Variants in ADCY2 observed in about 807,000 individuals in gnomAD.
The protein encoded by ADCY2 is adenylate cyclase type 2.
ADCY2 carries 31 observed loss-of-function variants against 125.2 expected under a neutral mutation model. That is an observed-to-expected ratio of 0.25 (90% CI 0.19 to 0.33). The LOEUF (loss-of-function observed/expected upper bound fraction) is 0.33, where lower values mean the gene tolerates loss of function less well. Ranked by LOEUF, ADCY2 falls within the 10% of genes least tolerant of loss-of-function variation. The pLI is 1.00. For synonymous variants in ADCY2, 512 were observed against 548.4 expected (o/e 0.93, Z 0.93); for missense variants, 904 against 1,418.2 (o/e 0.64, Z 5.82).
At chr5:7,528,418 T>TAATG (rs35743320) in intron 3 of ADCY2, among the ~76,000 whole-genome samples, 56,733 of 151,764 alleles carry the variant, frequency 0.37, 12,084 homozygotes, top group Non-Finnish European at 0.48. Context: ...AATTTGACTG[T>TAATG]AATGGTAGAA....
intron 3 of ADCY2, among the ~76,000 whole-genome samples, chr5:7,525,936 TTGTCCCC>T (rs1734443355): frequency 6.6e-6 from 1 of 152,168 alleles, no homozygotes; most frequent in South Asian, 2.1e-4. Context: ...TGTACCCAGC[TTGTCCCC>T]TGCAAGCATG....
intron 4 of ADCY2, among the ~76,000 whole-genome samples, chr5:7,689,536 G>A (rs902933554): frequency 1.3e-5 from 2 of 152,132 alleles, no homozygotes; most frequent in Non-Finnish European, 1.5e-5. Context: ...GGAGGGATGA[G>A]CGGGGAGAAA....
chr5:7,553,533 A>G (rs944502742), intron 3 of ADCY2, among the ~76,000 whole-genome samples: 4 of 152,248 alleles, frequency 2.6e-5, no homozygotes, highest in Non-Finnish European at 4.4e-5. Context: ...CTACAAAACA[A>G]TAGCTCACCT....
intron 11 of ADCY2, among the ~76,000 whole-genome samples, chr5:7,714,493 G>A (rs1260324962): frequency 1.3e-5 from 2 of 152,226 alleles, no homozygotes; most frequent in African/African-American, 2.4e-5. Flanking sequence ...TCTCTGCAGC[G>A]TTACTGCAAG....
At chr5:7,579,732 C>G (rs1025220923) in intron 3 of ADCY2, among the ~76,000 whole-genome samples, 1 of 151,990 alleles carries the variant, frequency 6.6e-6, no homozygotes, top group African/African-American at 2.4e-5. Flanking sequence ...TAATAGGAAA[C>G]AAGGAAAAAA....
chr5:7,424,381 C>T (rs983338562), intron 2 of ADCY2, among the ~76,000 whole-genome samples: 8 of 152,242 alleles, frequency 5.3e-5, no homozygotes, highest in Admixed American at 3.9e-4. Flanking sequence ...AAAAGTTAAC[C>T]AACTTCCTCA....
In ADCY2 at chr5:7,734,197, A is replaced by G. The variant is rs138254499; in HGVS notation, c.1871+6936A>G. Among the ~76,000 whole-genome samples the G allele has an allele frequency of 1.7e-4, 26 of 152,330 alleles. No individual in the cohort carries two copies. In the East Asian group the frequency reaches 4.8e-3, roughly 28 times the overall value. ...GGGAGGAAGTAAGGGAAATGAAGTC[A>G]ACCAGGAAAGAGTCCGTGAAAGTCA... On this transcript the variant is annotated intron_variant, in intron 14 of 24. Transcript: ENST00000338316.
intron 2 of ADCY2, among the ~76,000 whole-genome samples, chr5:7,480,684 T>G (rs1362265261): frequency 6.6e-6 from 1 of 152,120 alleles, no homozygotes; most frequent in Non-Finnish European, 1.5e-5. Flanking sequence ...TGAAATAATC[T>G]GTACAACAAA....
chr5:7,727,698 G>T (rs141478475), intron 14 of ADCY2, among the ~76,000 whole-genome samples: 4 of 151,916 alleles, frequency 2.6e-5, no homozygotes, highest in Non-Finnish European at 4.4e-5. Context: ...TCCAAGTTCT[G>T]TGTGTTACAC....
intron 3 of ADCY2, among the ~76,000 whole-genome samples, chr5:7,618,487 A>T (rs1737840348): frequency 6.6e-6 from 1 of 152,168 alleles, no homozygotes; most frequent in African/African-American, 2.4e-5. Flanking sequence ...CCACATGTTC[A>T]CCCTAAAATG....
chr5:7,781,569 G>A (rs1292595291), intron 18 of ADCY2, among the ~76,000 whole-genome samples: 1 of 152,144 alleles, frequency 6.6e-6, no homozygotes, highest in Non-Finnish European at 1.5e-5. Flanking sequence ...GTGAGACCAA[G>A]GCAAGGAAGC....
At position 7,727,228 on chromosome 5, in the gene ADCY2, G is replaced by A; in HGVS notation, c.1838G>A (p.Cys613Tyr). The A allele has an allele frequency of 1.2e-6, 2 of 1,614,110 alleles. No homozygotes were observed. The highest frequency in any genetic ancestry group is 1.7e-6 in the Non-Finnish European group (2 of 1,180,002). ...ACTTGTGCCTGTCTCATATTCTTCT[G>A]CATCTTCATTGTGCAGATTCTCGTG... is the stretch of plus-strand genomic sequence containing the variant. ...YVTCACLIFF[C>Y]IFIVQILVLP... The change falls in exon 14 of 25, where the codon TGC (cysteine) becomes TAC (tyrosine). Residue 613 changes from cysteine to tyrosine, a missense_variant. By Grantham distance (194) the Cys-to-Tyr change is radical. This residue lies in a region of ADCY2 where 221 missense variants were observed against 246.2 expected (regional missense o/e 0.90). Coordinates refer to ENST00000338316, the MANE Select transcript of ADCY2 (RefSeq NM_020546.3).
intron 22 of ADCY2, among the ~76,000 whole-genome samples, chr5:7,811,435 A>T (rs1744939064): frequency 6.6e-6 from 1 of 151,570 alleles, no homozygotes; most frequent in South Asian, 2.1e-4. Flanking sequence ...CGGGAGGCGG[A>T]GCTTGCAGTA....
At chr5:7,640,946 G>A (rs977178794) in intron 4 of ADCY2, among the ~76,000 whole-genome samples, 7 of 152,130 alleles carry the variant, frequency 4.6e-5, no homozygotes, top group African/African-American at 1.7e-4. Flanking sequence ...CTTTTCTGAT[G>A]CCTCAAAGAA....
chr5:7,703,157 A>C (rs1741146673), intron 7 of ADCY2, among the ~76,000 whole-genome samples: 1 of 152,022 alleles, frequency 6.6e-6, no homozygotes, highest in Non-Finnish European at 1.5e-5. Flanking sequence ...AGATTGCAAA[A>C]ATTTTCTCCC....
At chr5:7,681,072 C>A (rs1335129865) in intron 4 of ADCY2, among the ~76,000 whole-genome samples, 1 of 152,220 alleles carries the variant, frequency 6.6e-6, no homozygotes, top group Non-Finnish European at 1.5e-5. Context: ...CATTGAGTTA[C>A]ATTTAATAAA....
chr5:7,755,603 A>T (rs914026006), intron 15 of ADCY2, among the ~76,000 whole-genome samples: 4 of 152,164 alleles, frequency 2.6e-5, no homozygotes, highest in African/African-American at 9.7e-5. Flanking sequence ...ACCTCTGCAA[A>T]GACAGAGGAG....
At chr5:7,420,618 C>G (rs1740164710) in intron 2 of ADCY2, among the ~76,000 whole-genome samples, 1 of 152,216 alleles carries the variant, frequency 6.6e-6, no homozygotes, top group Non-Finnish European at 1.5e-5. Context: ...GCTACTGGCA[C>G]TCAACCCAGC....
At chr5:7,457,842 C>T (rs879277593) in intron 2 of ADCY2, among the ~76,000 whole-genome samples, 10 of 152,160 alleles carry the variant, frequency 6.6e-5, no homozygotes, top group Non-Finnish European at 8.8e-5. Flanking sequence ...GTAGTTACCA[C>T]GTCGTCCTGT....
Sources: gnomAD v4.1 joint callset for allele counts (sites outside exome capture counted in the v4.1 genomes callset) on GRCh38, gnomAD v4.1.1 for gene constraint, gnomAD v4.1.1 regional missense constraint, MANE v1.5 for transcripts, NCBI Gene and HGNC (gene_info 2026-07-23, HGNC 2026-07-21) for gene names.